The following CEP295NL variants were observed in gnomAD, a reference collection of about 807,000 sequenced individuals.
CEP295NL encodes protein DDC8 homolog.
A neutral mutation model predicts 4.6 loss-of-function variants in CEP295NL; 3 were observed. The ratio of observed to expected loss-of-function variants is 0.65; its 90% CI spans 0.30 to 1.69. CEP295NL has a LOEUF of 1.69. CEP295NL is among the 40% of genes most tolerant of loss of function. The probability of loss-of-function intolerance (pLI) is 0.10; values close to 1 mark genes in which losing one functional copy is unlikely to be tolerated. For missense variants in CEP295NL, 719 were observed against 769.0 expected, an observed-to-expected ratio of 0.93 and a Z score of 0.77; for synonymous variants, 295 against 312.2, an observed-to-expected ratio of 0.94 and a Z score of 0.58.
At chr17:78,899,536 G>C (rs1283528150) in intron 2 of CEP295NL, 1 of 152,256 alleles carries the variant, frequency 6.6e-6, no homozygotes, top group Non-Finnish European at 1.5e-5. Context: ...AATGCAGCCA[G>C]TTCACCAGCT....
At position 78,891,278 on chromosome 17, in the gene CEP295NL, G is replaced by A. The variant is rs118160201; in HGVS notation, c.1226C>T (p.Pro409Leu). ...EMLPAGEPRSPAEEEAQQAAS... is the reference protein window; with the variant it reads ...EMLPAGEPRSLAEEEAQQAAS... ...TGCCTGCTGCGCCTCCTCCTCTGCT[G>A]GGCTCCTGGGTTCCCCGGCAGGCAG... Residue 409 changes from proline to leucine, a missense_variant, in exon 3 of 3, where the codon CCA becomes CTA. Physicochemically the swap from Pro to Leu is moderately conservative, Grantham distance 98 (BLOSUM62 -3). Transcript: ENST00000322630. This position sits in a 1 kb window ranked among gnomAD's most constrained non-coding sequence, Gnocchi z 4.5. The A allele has an allele frequency of 8.4e-6, 13 of 1,550,536 alleles. No individual in the cohort carries two copies. Among genetic ancestry groups the A allele is most frequent in the Non-Finnish European group, 1.1e-5 (13 of 1,146,990 alleles).
Position 78,892,132 on chromosome 17 carries a change from C to T in CEP295NL, c.372G>A (p.Leu124=). The change falls in exon 3 of 3, where the codon CTG becomes CTA. Residue 124 remains leucine (L), a synonymous_variant. Coordinates refer to ENST00000322630, the MANE Select transcript of CEP295NL (RefSeq NM_001243540.2). ...LRRGYQEAQH[L]HVGGLDRLQS... ...GCAGCCTGTCCAGGCCACCGACGTGCAGGTGCTGTGCCTCCTGATACCCTC... is the reference window on the plus strand; with the variant it reads ...GCAGCCTGTCCAGGCCACCGACGTGTAGGTGCTGTGCCTCCTGATACCCTC... The T allele has an allele frequency of 1.3e-6, 2 of 1,550,954 alleles. No homozygotes were observed. The highest frequency in any genetic ancestry group is 1.7e-6 in the Non-Finnish European group (2 of 1,147,170).
rs1484496647 is a variant in CEP295NL at position 78,891,939 on chromosome 17, G to T, written c.565C>A (p.Pro189Thr). 6.4e-7 allele frequency: 1 copy of T among 1,550,548 alleles called. No individual in the cohort carries two copies. The highest frequency in any genetic ancestry group is 2.4e-5 in the East Asian group (1 of 40,910). Residue 189 changes from proline to threonine, a missense_variant, in exon 3 of 3, where the codon CCC (proline) becomes ACC (threonine). Pro to Thr is a conservative substitution (Grantham distance 38). Transcript: ENST00000322630. This position sits in a 1 kb window ranked among gnomAD's most constrained non-coding sequence, Gnocchi z 4.5. ...SCREELGQQH[P>T]RHSRPRKTAA... ...GTCTTCCGGGGCCTGGAGTGCCTGG[G>T]GTGTTGCTGGCCCAACTCTTCCCTG...
Position 78,891,839 on chromosome 17 carries a change from T to C in CEP295NL, c.665A>G (p.Lys222Arg). The change falls in exon 3 of 3, where the codon AAG becomes AGG. Residue 222 changes from lysine to arginine, a missense_variant. Lys to Arg is a conservative substitution (Grantham distance 26). Coordinates refer to ENST00000322630, the MANE Select transcript of CEP295NL (RefSeq NM_001243540.2). This position sits in a 1 kb window ranked among gnomAD's most constrained non-coding sequence, Gnocchi z 4.5. ...RMNSHLAPPE[K>R]RKGRPEPSTK... Reference sequence around the variant, plus strand: ...CGAAGGTTCTGGCCTTCCCTTTCTCTTCTCAGGCGGGGCCAGGTGAGAATT... The same window carrying C: ...CGAAGGTTCTGGCCTTCCCTTTCTCCTCTCAGGCGGGGCCAGGTGAGAATT... The C allele has an allele frequency of 1.9e-6, 3 of 1,550,786 alleles. No homozygotes were observed. The highest frequency in any genetic ancestry group is 1.7e-6 in the Non-Finnish European group (2 of 1,147,030).
rs2069895181 is a variant in CEP295NL at position 78,891,566 on chromosome 17, G to A, written c.938C>T (p.Pro313Leu). 2 of 1,550,848 alleles carry A rather than the reference G, an allele frequency of 1.3e-6. No individual in the cohort carries two copies. The highest frequency in any genetic ancestry group is 2.0e-5 in the Admixed American group (1 of 51,004). ...GKLRDLGQLW[P>L]ADSSCRREAV... ...TTCCCTTCTGCAGCTGGAATCAGCT[G>A]GCCACAGCTGCCCGAGGTCTCTCAG... Residue 313 changes from proline (P) to leucine (L), a missense_variant, in exon 3 of 3, where the codon CCA becomes CTA. Physicochemically the swap from Pro to Leu is moderately conservative, Grantham distance 98. Transcript: ENST00000322630. The surrounding 1 kb of genome is among the most constrained non-coding windows in gnomAD (Gnocchi z 4.5).
Position 78,891,187 on chromosome 17 carries a change from G to T in CEP295NL, c.1317C>A (p.Val439=), listed in dbSNP as rs1179500607. Residue 439 remains valine (V), a synonymous_variant, in exon 3 of 3, where the codon GTC becomes GTA. Coordinates refer to ENST00000322630, the MANE Select transcript of CEP295NL (RefSeq NM_001243540.2). This position sits in a 1 kb window ranked among gnomAD's most constrained non-coding sequence, Gnocchi z 4.5. ...KAQNQKYQGT[V]KPTFRNGSQT... Reference sequence around the variant, plus strand: ...GACTTCCATTTCTAAACGTGGGCTTGACCGTGCCCTGATATTTTTGGTTCT... The same window carrying T: ...GACTTCCATTTCTAAACGTGGGCTTTACCGTGCCCTGATATTTTTGGTTCT... 2 of 1,550,554 alleles carry T rather than the reference G, an allele frequency of 1.3e-6. No individual in the cohort carries two copies. Among genetic ancestry groups the T allele is most frequent in the African/African-American group, 2.7e-5 (2 of 73,050 alleles).
At position 78,896,832 on chromosome 17, in the gene CEP295NL, T is replaced by A. The variant is rs2070008991; in HGVS notation, c.45-4373A>T. ...TCCTCTCTTGCTCTCTACAGCCCCG[T>A]GGCCCCAGCGCAGGAGCCAGCCCAT... On this transcript the variant is annotated intron_variant, in intron 2 of 2. Transcript: ENST00000322630. This position sits in a 1 kb window ranked among gnomAD's most constrained non-coding sequence, Gnocchi z 4.4. The A allele has an allele frequency of 1.4e-6, 1 of 710,382 alleles. No individual in the cohort carries two copies. The highest frequency in any genetic ancestry group is 1.9e-5 in the African/African-American group (1 of 51,506). The allele number at this position is 710,382 out of a possible 1,614,324, so 44.0% of individuals were successfully genotyped here.
At chr17:78,899,327 A>C (rs1219312131) in intron 2 of CEP295NL, 2 of 152,490 alleles carry the variant, frequency 1.3e-5, no homozygotes, top group Non-Finnish European at 2.9e-5. Flanking sequence ...CCCGCACTGC[A>C]GCCCAGCGCT....
At chr17:78,902,901 C>G (rs1280881436) in intron 1 of CEP295NL, 2 of 152,478 alleles carry the variant, frequency 1.3e-5, no homozygotes, top group East Asian at 1.9e-4. Context: ...CCCAGTCCCA[C>G]CAGCTTCCCT....
chr17:78,900,046 T>C (rs1178704460), intron 2 of CEP295NL: 1 of 152,152 alleles, frequency 6.6e-6, no homozygotes, highest in Admixed American at 6.5e-5. Context: ...TTGACCTTCT[T>C]TGGGGGAAAT....
chr17:78,901,780 C>T lies in CEP295NL; in HGVS notation c.44+5G>A, dbSNP rs1435263645. Reference sequence around the variant, plus strand: ...AAATGCTTGGGGAAGAGGGGTGGTACTTACTGTGTGTGTCTCCAGATGACT... The same window carrying T: ...AAATGCTTGGGGAAGAGGGGTGGTATTTACTGTGTGTGTCTCCAGATGACT... On this transcript the variant is annotated splice_donor_5th_base_variant and intron_variant, in intron 2 of 2. Transcript: ENST00000322630. 2 of 717,108 alleles carry T rather than the reference C, an allele frequency of 2.8e-6. No homozygotes were observed. Among genetic ancestry groups the T allele is most frequent in the Admixed American group, 2.0e-5 (1 of 49,970 alleles). 44.4% of individuals were successfully genotyped at this position (717,108 alleles called of 1,614,324 possible).
chr17:78,902,011 T>C, intron 1 of CEP295NL, 85 bp from the exon 2 acceptor site: 1 of 570,490 alleles, frequency 1.8e-6, no homozygotes, highest in Non-Finnish European at 3.1e-6. Context: ...CCTCTAAAAA[T>C]ACCCTCCATG....
chr17:78,892,613 C>T, intron 2 of CEP295NL, 154 bp from the exon 3 acceptor site: 1 of 1,150,550 alleles, frequency 8.7e-7, no homozygotes, highest in Non-Finnish European at 1.2e-6. Context: ...AGGGCCCACT[C>T]TCAGCCTCCC....
chr17:78,893,405 G>GTGTGCGCATAGAAGTA (rs139652180), intron 2 of CEP295NL, among the ~76,000 whole-genome samples: 10 of 128,390 alleles, frequency 7.8e-5, no homozygotes, highest in African/African-American at 3.5e-4. Context: ...ATGCAGGGGT[G>GTGTGCGCATAGAAGTA]TGTGTGCATA....
chr17:78,893,293 GT>G (rs2069939744), intron 2 of CEP295NL, among the ~76,000 whole-genome samples: 1 of 129,986 alleles, frequency 7.7e-6, no homozygotes, highest in African/African-American at 4.4e-5. Context: ...GGGCAAGGGT[GT>G]GTGTGCAGGG....
Position 78,891,229 on chromosome 17 carries a change from C to T in CEP295NL, c.1275G>A (p.Thr425=), listed in dbSNP as rs764827555. Residue 425 remains threonine (T), a synonymous_variant, in exon 3 of 3, where the codon ACG becomes ACA. Coordinates refer to ENST00000322630, the MANE Select transcript of CEP295NL (RefSeq NM_001243540.2). The surrounding 1 kb of genome is among the most constrained non-coding windows in gnomAD (Gnocchi z 4.5). ...TTTGGTTCTGGGCCTTGCCCATGAA[C>T]GTTTTCAAGTCGGTCTTGGACGCTG... ...QQAASKTDLK[T]FMGKAQNQKY... 5.2e-6 allele frequency: 8 copies of T among 1,550,550 alleles called. No homozygotes were observed. The highest frequency in any genetic ancestry group is 2.4e-5 in the East Asian group (1 of 40,932).
chr17:78,892,339 C>G lies in CEP295NL; in HGVS notation c.165G>C (p.Arg55Ser). The G allele has an allele frequency of 6.4e-7, 1 of 1,550,656 alleles. No individual in the cohort carries two copies. The highest frequency in any genetic ancestry group is 8.7e-7 in the Non-Finnish European group (1 of 1,147,020). ...WEAVSAGFAD[R>S]NRNMDGAMWL... The stretch of plus-strand genomic sequence containing the variant: ...ACATGGCTCCATCCATGTTTCTGTT[C>G]CTGTCTGCGAACCCAGCAGATACAG... Residue 55 changes from arginine (R) to serine (S), a missense_variant, in exon 3 of 3, where the codon AGG (arginine) becomes AGC (serine). Coordinates refer to ENST00000322630, the MANE Select transcript of CEP295NL (RefSeq NM_001243540.2).
At chr17:78,895,843 C>T (rs1000659959) in intron 2 of CEP295NL, among the ~76,000 whole-genome samples, 5 of 152,182 alleles carry the variant, frequency 3.3e-5, no homozygotes, top group African/African-American at 1.2e-4. Flanking sequence ...CCAAGGTTCA[C>T]AGTCTATTTC....
intron 2 of CEP295NL, among the ~76,000 whole-genome samples, chr17:78,893,083 G>A (rs574014909): frequency 2.0e-5 from 3 of 151,832 alleles, no homozygotes; most frequent in African/African-American, 4.8e-5. Context: ...GTGTGCACGC[G>A]TGTGCAGGGG....
Sources: gnomAD v4.1 joint callset for allele counts (sites outside exome capture counted in the v4.1 genomes callset) on GRCh38, gnomAD v4.1.1 for gene constraint, Gnocchi (gnomAD v3.1) non-coding constraint, MANE v1.5 for transcripts, NCBI Gene and HGNC (gene_info 2026-07-23, HGNC 2026-07-21) for gene names.